The following CDK8 variants were observed in gnomAD, a reference collection of about 807,000 sequenced individuals.
CDK8 encodes cyclin dependent kinase 8.
A neutral mutation model predicts 71.5 loss-of-function variants in CDK8; 29 were observed. That is an observed-to-expected ratio of 0.41 (90% CI 0.30 to 0.55). The LOEUF (loss-of-function observed/expected upper bound fraction) is 0.55, where lower values mean the gene tolerates loss of function less well. Ranked by LOEUF, CDK8 falls within the 20% of genes least tolerant of loss-of-function variation. The pLI is 0.37. For synonymous variants in CDK8, 161 were observed against 192.1 expected (o/e 0.84, Z 1.34); for missense variants, 288 against 572.6 (o/e 0.50, Z 5.07).
chr13:26,269,122 C>T (rs1187102820), intron 1 of CDK8, among the ~76,000 whole-genome samples: 1 of 152,180 alleles, frequency 6.6e-6, no homozygotes. Context: ...TCATGTTTAA[C>T]AGAAGTACTC....
At position 26,254,634 on chromosome 13, in the gene CDK8, C is replaced by T; in HGVS notation, c.-8C>T. ...CGACCCAGCTCTCCGGCCTCAGAGG[C>T]TGTGACAATGGACTATGACTTTAAA... is the stretch of plus-strand genomic sequence containing the variant. On this transcript the variant is annotated 5_prime_UTR_variant, in exon 1 of 13. Transcript: ENST00000381527. This position sits in a 1 kb window ranked among gnomAD's most constrained non-coding sequence, Gnocchi z 6.7. 6.3e-7 allele frequency: 1 copy of T among 1,595,178 alleles called. No homozygotes were observed. The highest frequency in any genetic ancestry group is 8.5e-7 in the Non-Finnish European group (1 of 1,170,550).
intron 1 of CDK8, among the ~76,000 whole-genome samples, chr13:26,278,328 A>C (rs1241045231): frequency 1.3e-5 from 2 of 152,238 alleles, no homozygotes; most frequent in Admixed American, 1.3e-4. Context: ...GCCTCATTTT[A>C]CATTTTTAAA....
At chr13:26,367,819 G>A (rs1410966140) in intron 4 of CDK8, among the ~76,000 whole-genome samples, 1 of 152,068 alleles carries the variant, frequency 6.6e-6, no homozygotes, top group Non-Finnish European at 1.5e-5. Flanking sequence ...AGACCTTATT[G>A]GAATTCAAAT....
intron 6 of CDK8, among the ~76,000 whole-genome samples, chr13:26,388,445 C>T: frequency 6.6e-6 from 1 of 152,114 alleles, no homozygotes; most frequent in East Asian, 1.9e-4. Flanking sequence ...TAATGTGATA[C>T]ACAGAGATTT....
chr13:26,388,567 C>T (rs1304688325), intron 6 of CDK8, among the ~76,000 whole-genome samples: 1 of 152,128 alleles, frequency 6.6e-6, no homozygotes. Flanking sequence ...ATTCACTGAA[C>T]ACCTGAGACT....
chr13:26,340,519 A>G (rs1873195671), intron 2 of CDK8, among the ~76,000 whole-genome samples: 1 of 151,822 alleles, frequency 6.6e-6, no homozygotes, highest in South Asian at 2.1e-4. Context: ...ATTCTTTTTT[A>G]TTTAGTTTGG....
chr13:26,266,310 C>G (rs7326961), intron 1 of CDK8, among the ~76,000 whole-genome samples: 24,654 of 152,058 alleles, frequency 0.16, 3,419 homozygotes, highest in African/African-American at 0.38. Context: ...TGGTAGCTTT[C>G]AGTGGTGATG....
chr13:26,382,023 G>C (rs1005135302), intron 4 of CDK8, among the ~76,000 whole-genome samples: 1 of 152,150 alleles, frequency 6.6e-6, no homozygotes, highest in Non-Finnish European at 1.5e-5. Context: ...GGATAGTACA[G>C]TGAGTAAGGA....
At position 26,393,419 on chromosome 13, in the gene CDK8, A is replaced by G; in HGVS notation, c.699A>G (p.Ile233Met). Residue 233 changes from isoleucine to methionine, a missense_variant, in exon 7 of 13, where the codon ATA becomes ATG. This residue lies in a region of CDK8 where 96 missense variants were observed against 229.8 expected (regional missense o/e 0.42). Coordinates refer to ENST00000381527, the MANE Select transcript of CDK8 (RefSeq NM_001260.3). ...CAGAACTACTAACGTCAGAACCAAT[A>G]TTTCACTGTCGACAAGAGGACATCA... The part of the protein sequence containing the change: ...IFAELLTSEP[I>M]FHCRQEDIKT... 1 of 1,612,030 alleles carries G rather than the reference A, an allele frequency of 6.2e-7. No individual in the cohort carries two copies. The highest frequency in any genetic ancestry group is 8.5e-7 in the Non-Finnish European group (1 of 1,178,766).
At chr13:26,264,323 T>C (rs1462988839) in intron 1 of CDK8, among the ~76,000 whole-genome samples, 1 of 152,116 alleles carries the variant, frequency 6.6e-6, no homozygotes, top group Non-Finnish European at 1.5e-5. Context: ...TCTCACTCTG[T>C]TCCCTGGGCT....
intron 2 of CDK8, among the ~76,000 whole-genome samples, chr13:26,343,699 A>C (rs1280241085): frequency 1.3e-5 from 2 of 152,182 alleles, no homozygotes; most frequent in African/African-American, 2.4e-5. Context: ...AGCACTGTAC[A>C]CTTAGGCCAC....
intron 8 of CDK8, 58 bp downstream of exon 8, chr13:26,396,412 T>G (rs1875996021): frequency 1.5e-6 from 1 of 655,350 alleles, no homozygotes. Flanking sequence ...ATACTCAGTG[T>G]AAGACTGAAT....
chr13:26,333,829 C>T (rs935130016), intron 1 of CDK8, among the ~76,000 whole-genome samples: 10 of 152,142 alleles, frequency 6.6e-5, no homozygotes, highest in Non-Finnish European at 1.3e-4. Context: ...GATACTCGGT[C>T]TGTATTGTAA....
At chr13:26,323,163 G>A (rs1039167178) in intron 1 of CDK8, among the ~76,000 whole-genome samples, 4 of 152,084 alleles carry the variant, frequency 2.6e-5, no homozygotes, top group African/African-American at 9.7e-5. Context: ...TCTACATAGA[G>A]TGGGTGGCTT....
intron 1 of CDK8, among the ~76,000 whole-genome samples, chr13:26,304,970 A>AC (rs1873981780): frequency 6.6e-6 from 1 of 152,118 alleles, no homozygotes; most frequent in African/African-American, 2.4e-5. Context: ...GCTTGGCCTG[A>AC]CGATTATATT....
intron 4 of CDK8, among the ~76,000 whole-genome samples, chr13:26,354,693 G>C (rs1284480186): frequency 6.6e-6 from 1 of 152,176 alleles, no homozygotes; most frequent in Non-Finnish European, 1.5e-5. Context: ...TCTAGCTAAT[G>C]CCTTATGATC....
At chr13:26,309,819 G>A (rs145406966) in intron 1 of CDK8, among the ~76,000 whole-genome samples, 84 of 151,890 alleles carry the variant, frequency 5.5e-4, no homozygotes, top group African/African-American at 1.7e-3. Flanking sequence ...ACAGAGTCTC[G>A]CTCTGTCGCC....
At position 26,332,860 on chromosome 13, in the gene CDK8, C is replaced by T. The variant is rs115818218; in HGVS notation, c.129-4707C>T. On this transcript the variant is annotated intron_variant, in intron 1 of 12. Transcript: ENST00000381527. ...TATCCAGCTTCATACCTTGAACATA[C>T]ATTGCGTTGTCTCCTCTTTCTCTAG... is the stretch of plus-strand genomic sequence containing the variant. Among the ~76,000 whole-genome samples, 995 of 152,284 alleles carry T rather than the reference C, an allele frequency of 6.5e-3. 10 individuals are homozygous for T. The highest frequency in any genetic ancestry group is 0.021 in the African/African-American group (865 of 41,550).
chr13:26,313,856 C>T (rs777785925), intron 1 of CDK8, among the ~76,000 whole-genome samples: 6 of 151,774 alleles, frequency 4.0e-5, no homozygotes, highest in East Asian at 3.9e-4. Flanking sequence ...GACAACAGGT[C>T]GGAGAACAGG....
Sources: allele counts gnomAD v4.1 joint callset (sites outside exome capture counted in the v4.1 genomes callset), GRCh38; gene constraint gnomAD v4.1.1; regional missense constraint gnomAD v4.1.1; non-coding constraint Gnocchi (gnomAD v3.1); transcripts MANE v1.5; gene names NCBI Gene and HGNC (gene_info 2026-07-23, HGNC 2026-07-21).